Variants in SDR42E1 observed in about 807,000 individuals in gnomAD.
SDR42E1 encodes short-chain dehydrogenase/reductase family 42E member 1.
In SDR42E1, 5 loss-of-function variants were observed where a neutral mutation model predicts 2.6. The observed-to-expected ratio is 1.94, with a 90% CI of 1.01 to 4.08. SDR42E1 has a LOEUF of 4.08. Ranked by LOEUF, SDR42E1 falls within the 30% of genes most tolerant of loss-of-function variation. The pLI is 0.00. For missense variants in SDR42E1, 596 were observed against 478.6 expected (o/e 1.25, Z -2.29); for synonymous variants, 231 against 188.3 (o/e 1.23, Z -1.86).
chr16:81,998,319 C>T lies in SDR42E1; in HGVS notation c.*792G>A, dbSNP rs897112910. ...TTTACAAATAGAGTATATCCAAATA[C>T]ACTTGTTGCAGGCTCTGAGGGCACA... is the stretch of plus-strand genomic sequence containing the variant. On this transcript the variant is annotated 3_prime_UTR_variant, in exon 3 of 3. Coordinates refer to ENST00000328945, the MANE Select transcript of SDR42E1 (RefSeq NM_145168.3). 3 of 152,194 alleles carry T rather than the reference C, an allele frequency of 2.0e-5. No homozygotes were observed. The highest frequency in any genetic ancestry group is 1.3e-4 in the Admixed American group (2 of 15,282). The allele number at this position is 152,194 out of a possible 1,614,324, so 9.4% of individuals were successfully genotyped here. A position where few individuals can be genotyped will look rare whatever the true frequency, so the allele number is the denominator to read the frequency against.
chr16:82,008,353 C>G (rs901386651), intron 1 of SDR42E1, among the ~76,000 whole-genome samples: 2 of 152,210 alleles, frequency 1.3e-5, no homozygotes, highest in Admixed American at 6.5e-5. Flanking sequence ...GACTTTGGAA[C>G]TGGTTTACAG....
intron 1 of SDR42E1, among the ~76,000 whole-genome samples, chr16:82,008,919 T>TC (rs1386689205): frequency 6.6e-6 from 1 of 152,022 alleles, no homozygotes; most frequent in Non-Finnish European, 1.5e-5. Context: ...GGGTCCAGGG[T>TC]CCCCCTGCTC....
intron 1 of SDR42E1, among the ~76,000 whole-genome samples, chr16:82,006,525 G>C (rs539584399): frequency 6.6e-6 from 1 of 152,366 alleles, no homozygotes; most frequent in South Asian, 2.1e-4. Context: ...GGGTGCAGTG[G>C]CTCACGCCTG....
Position 81,989,479 on chromosome 16 carries a change from G to A in SDR42E1, c.*9632C>T, listed in dbSNP as rs1042503475. On this transcript the variant is annotated 3_prime_UTR_variant, in exon 3 of 3. Transcript: ENST00000328945. ...TTTGTATAGTTACTTTTAAATCTAA[G>A]TTACACAGAAGCACTCTGAATGTGT... 1.3e-5 allele frequency: 2 copies of A among 152,182 alleles called. No individual in the cohort carries two copies. The highest frequency in any genetic ancestry group is 4.8e-5 in the African/African-American group (2 of 41,432). 9.4% of individuals were successfully genotyped at this position (152,182 alleles called of 1,614,324 possible).
Position 81,995,033 on chromosome 16 carries a change from G to C in SDR42E1, c.*4078C>G, listed in dbSNP as rs1322226474. ...CCCCTGTCACCAGAAACGGCACTGA[G>C]GACATCCAAGAAGTATTTCCAACAG... is the stretch of plus-strand genomic sequence containing the variant. On this transcript the variant is annotated 3_prime_UTR_variant, in exon 3 of 3. Coordinates refer to ENST00000328945, the MANE Select transcript of SDR42E1 (RefSeq NM_145168.3). The C allele has an allele frequency of 6.6e-6, 1 of 152,144 alleles. No individual in the cohort carries two copies. The highest frequency in any genetic ancestry group is 6.5e-5 in the Admixed American group (1 of 15,268). The allele number at this position is 152,144 out of a possible 1,614,324, so 9.4% of individuals were successfully genotyped here.
rs936749741 is a variant in SDR42E1 at position 81,990,608 on chromosome 16, T to C, written c.*8503A>G. On this transcript the variant is annotated 3_prime_UTR_variant, in exon 3 of 3. Transcript: ENST00000328945. The stretch of plus-strand genomic sequence containing the variant: ...CAGGTTACAAAAGGCCTCTGTGCCA[T>C]TAAATCCATACAAGTTCCCCCAAGA... The C allele has an allele frequency of 2.0e-5, 3 of 152,236 alleles. No individual in the cohort carries two copies. Among genetic ancestry groups the C allele is most frequent in the Admixed American group, 6.5e-5 (1 of 15,280 alleles). 9.4% of individuals were successfully genotyped at this position (152,236 alleles called of 1,614,324 possible).
chr16:82,000,110 C>T lies in SDR42E1; in HGVS notation c.183G>A (p.Leu61=), dbSNP rs1337102851. 6.2e-7 allele frequency: 1 copy of T among 1,614,218 alleles called. No homozygotes were observed. The highest frequency in any genetic ancestry group is 2.2e-5 in the East Asian group (1 of 44,892). The change falls in exon 3 of 3, where the codon CTG becomes CTA. Residue 61 remains leucine, a synonymous_variant. Coordinates refer to ENST00000328945, the MANE Select transcript of SDR42E1 (RefSeq NM_145168.3). Reference sequence around the variant, plus strand: ...CCTGGAAGGCTTTCTCTACGTCAGACAGGTGGCGGATGTCTCCTTGTATAA... The same window carrying T: ...CCTGGAAGGCTTTCTCTACGTCAGATAGGTGGCGGATGTCTCCTTGTATAA... ...IKFIQGDIRH[L]SDVEKAFQDA... is the part of the protein sequence containing the mutation.
Position 81,996,156 on chromosome 16 carries a change from C to T in SDR42E1, c.*2955G>A, listed in dbSNP as rs1438804144. ...TCTTGATCACGTTAAAGATTCTCAACCTAAGGAAAGTTTTCAGCAGAGAAG... is the reference window on the plus strand; with the variant it reads ...TCTTGATCACGTTAAAGATTCTCAATCTAAGGAAAGTTTTCAGCAGAGAAG... On this transcript the variant is annotated 3_prime_UTR_variant, in exon 3 of 3. Coordinates refer to ENST00000328945, the MANE Select transcript of SDR42E1 (RefSeq NM_145168.3). 4 of 152,140 alleles carry T rather than the reference C, an allele frequency of 2.6e-5. No homozygotes were observed. The highest frequency in any genetic ancestry group is 1.3e-4 in the Admixed American group (2 of 15,264). The allele number at this position is 152,140 out of a possible 1,614,324, so 9.4% of individuals were successfully genotyped here.
At chr16:82,000,310 T>A (rs1046314264) in intron 2 of SDR42E1, 86 bp from the exon 3 acceptor site, 1 of 1,536,362 alleles carries the variant, frequency 6.5e-7, no homozygotes, top group Non-Finnish European at 8.9e-7. Context: ...CCAATCAAGG[T>A]GGGGCTGATC....
chr16:82,001,725 AC>A (rs1390549422), intron 1 of SDR42E1, among the ~76,000 whole-genome samples: 9 of 151,516 alleles, frequency 5.9e-5, no homozygotes, highest in Non-Finnish European at 1.3e-4. Context: ...ACACGGTGAA[AC>A]CCCGTCTCTA....
rs1354469199 is a variant in SDR42E1, at chr16:81,997,127, A to T, written c.*1984T>A. On this transcript the variant is annotated 3_prime_UTR_variant, in exon 3 of 3. Transcript: ENST00000328945. Reference sequence around the variant, plus strand: ...AGTGAACTGCAATAAGACTCAGGTGACGCATTCAAAATAATGTTCCCAGTA... The same window carrying T: ...AGTGAACTGCAATAAGACTCAGGTGTCGCATTCAAAATAATGTTCCCAGTA... 5 of 151,846 alleles carry T rather than the reference A, an allele frequency of 3.3e-5. No individual in the cohort carries two copies. Among genetic ancestry groups the T allele is most frequent in the African/African-American group, 4.8e-5 (2 of 41,440 alleles). 9.4% of individuals were successfully genotyped at this position (151,846 alleles called of 1,614,324 possible).
chr16:82,001,329 T>C (rs1597177457), intron 1 of SDR42E1, among the ~76,000 whole-genome samples: 1 of 152,228 alleles, frequency 6.6e-6, no homozygotes, highest in South Asian at 2.1e-4. Flanking sequence ...TTCTTTAAAA[T>C]TTCGCACTGC....
chr16:81,992,588 T>G lies in SDR42E1; in HGVS notation c.*6523A>C, dbSNP rs1379014482. 3.3e-5 allele frequency: 5 copies of G among 152,170 alleles called. No homozygotes were observed. The highest frequency in any genetic ancestry group is 9.7e-5 in the African/African-American group (4 of 41,430). The allele number at this position is 152,170 out of a possible 1,614,324, so 9.4% of individuals were successfully genotyped here. A position where few individuals can be genotyped will look rare whatever the true frequency, so the allele number is the denominator to read the frequency against. Reference sequence around the variant, plus strand: ...CTGGGAGGCTAGAGCAAAAGATATGTAGAATACTTGCCAAGATTAAAATCT... The same window carrying G: ...CTGGGAGGCTAGAGCAAAAGATATGGAGAATACTTGCCAAGATTAAAATCT... On this transcript the variant is annotated 3_prime_UTR_variant, in exon 3 of 3. Transcript: ENST00000328945.
chr16:81,995,713 A>T lies in SDR42E1; in HGVS notation c.*3398T>A, dbSNP rs762807518. On this transcript the variant is annotated 3_prime_UTR_variant, in exon 3 of 3. Coordinates refer to ENST00000328945, the MANE Select transcript of SDR42E1 (RefSeq NM_145168.3). ...GTTCATCCATAGCAGATGGGAAAAC[A>T]GCATTCATTGGACAAATACTTATTG... 1.2e-4 allele frequency: 18 copies of T among 152,258 alleles called. No individual in the cohort carries two copies. Among genetic ancestry groups the T allele is most frequent in the Non-Finnish European group, 2.1e-4 (14 of 68,058 alleles). The allele number at this position is 152,258 out of a possible 1,614,324, so 9.4% of individuals were successfully genotyped here.
At position 81,993,092 on chromosome 16, in the gene SDR42E1, A is replaced by G. The variant is rs867733581; in HGVS notation, c.*6019T>C. ...GACGTAGCAGTGCTTGTCTGTGTCA[A>G]CAAAGAACTGGGCCCTGCATAAAGG... is the stretch of plus-strand genomic sequence containing the variant. On this transcript the variant is annotated 3_prime_UTR_variant, in exon 3 of 3. Transcript: ENST00000328945. 1 of 152,216 alleles carries G rather than the reference A, an allele frequency of 6.6e-6. No individual in the cohort carries two copies. Among genetic ancestry groups the G allele is most frequent in the East Asian group, 1.9e-4 (1 of 5,190 alleles). 9.4% of individuals were successfully genotyped at this position (152,216 alleles called of 1,614,324 possible).
Position 81,994,148 on chromosome 16 carries a change from C to T in SDR42E1, c.*4963G>A, listed in dbSNP as rs557710584. The T allele has an allele frequency of 1.3e-5, 2 of 152,300 alleles. No individual in the cohort carries two copies. The highest frequency in any genetic ancestry group is 4.1e-4 in the South Asian group (2 of 4,824). 9.4% of individuals were successfully genotyped at this position (152,300 alleles called of 1,614,324 possible). A position where few individuals can be genotyped will look rare whatever the true frequency, so the allele number is the denominator to read the frequency against. On this transcript the variant is annotated 3_prime_UTR_variant, in exon 3 of 3. Transcript: ENST00000328945. ...CAGAAAAGAAAGTGAACTGAAGACT[C>T]ACGTGAGAGGACGATCTGGAATGAT...
chr16:82,010,642 C>G (rs1163562954), intron 1 of SDR42E1, among the ~76,000 whole-genome samples: 1 of 152,178 alleles, frequency 6.6e-6, no homozygotes, highest in Non-Finnish European at 1.5e-5. Context: ...TACCTATGAC[C>G]TGGAAGCCCC....
chr16:81,999,693 T>C lies in SDR42E1; in HGVS notation c.600A>G (p.Ile200Met). ...GPGEQRHLPR[I>M]VSYIEKGLFK... ...ACAGACCCTTCTCGATGTAGCTGAC[T>C]ATCCTGGGAAGGTGTCTTTGTTCTC... Residue 200 changes from isoleucine to methionine, a missense_variant, in exon 3 of 3, where the codon ATA (isoleucine) becomes ATG (methionine). Coordinates refer to ENST00000328945, the MANE Select transcript of SDR42E1 (RefSeq NM_145168.3). 1 of 1,614,200 alleles carries C rather than the reference T, an allele frequency of 6.2e-7. No homozygotes were observed. The highest frequency in any genetic ancestry group is 8.5e-7 in the Non-Finnish European group (1 of 1,180,034).
At chr16:82,000,343 A>C in intron 2 of SDR42E1, 119 bp from the exon 3 acceptor site, 3 of 1,263,648 alleles carry the variant, frequency 2.4e-6, no homozygotes, top group Non-Finnish European at 3.4e-6. Context: ...GCTCATCCTG[A>C]GCCCCTCACT....
Sources: allele counts gnomAD v4.1 joint callset (sites outside exome capture counted in the v4.1 genomes callset), GRCh38; gene constraint gnomAD v4.1.1; transcripts MANE v1.5; gene names NCBI Gene and HGNC (gene_info 2026-07-23, HGNC 2026-07-21).